The following COL5A2 variants were observed in gnomAD, a reference collection of about 807,000 sequenced individuals.
COL5A2 encodes collagen alpha-2(V) chain.
A neutral mutation model predicts 208.2 loss-of-function variants in COL5A2; 23 were observed. The observed-to-expected ratio is 0.11, with a 90% CI of 0.08 to 0.16. The LOEUF is 0.16. Among genes scored for constraint, COL5A2 ranks in the 10% least tolerant of loss-of-function variants. The probability of loss-of-function intolerance (pLI) is 1.00; values close to 1 mark genes in which losing one functional copy is unlikely to be tolerated. For synonymous variants in COL5A2, 625 were observed against 628.5 expected (o/e 0.99, Z 0.08); for missense variants, 1,590 against 1,956.4 (o/e 0.81, Z 3.53).
At chr2:189,046,513 G>A (rs1685671079) in intron 45 of COL5A2, among the ~76,000 whole-genome samples, 1 of 152,118 alleles carries the variant, frequency 6.6e-6, no homozygotes, top group Non-Finnish European at 1.5e-5. Context: ...GTTTACTTGA[G>A]TATAAAGCTA....
the COL5A2 span, among the ~76,000 whole-genome samples, chr2:189,337,188 T>TC: frequency 7.6e-6 from 1 of 131,230 alleles, no homozygotes. Context: ...TTTTTTTTTC[T>TC]TTTTTTTTTT....
intron 13 of COL5A2, 42 bp from the exon 14 acceptor site, chr2:189,080,073 T>G (rs1686497829): frequency 6.5e-7 from 1 of 1,531,208 alleles, no homozygotes; most frequent in South Asian, 1.1e-5. Context: ...TCCTGTTTTT[T>G]TCAATCCTCA....
the COL5A2 span, among the ~76,000 whole-genome samples, chr2:189,289,248 A>AG: frequency 0.039 from 5,875 of 152,090 alleles, 124 homozygotes; most frequent in Admixed American, 0.052. Context: ...AGGCTGAGGC[A>AG]GAGAATCGCC....
At chr2:189,135,094 T>C (rs1687802034) in intron 1 of COL5A2, among the ~76,000 whole-genome samples, 2 of 152,190 alleles carry the variant, frequency 1.3e-5, no homozygotes, top group Non-Finnish European at 2.9e-5. Context: ...CTTTTCTTCT[T>C]GTTATCTTTC....
At chr2:189,413,424 G>A in the COL5A2 span, among the ~76,000 whole-genome samples, 1 of 151,854 alleles carries the variant, frequency 6.6e-6, no homozygotes, top group African/African-American at 2.4e-5. Flanking sequence ...AAATCTCCAG[G>A]GAAAAAAAAT....
At chr2:189,258,203 T>C in the COL5A2 span, among the ~76,000 whole-genome samples, 1 of 152,222 alleles carries the variant, frequency 6.6e-6, no homozygotes, top group African/African-American at 2.4e-5. Flanking sequence ...AAATCAGTTC[T>C]GTTGGGTTAA....
rs12886 is a variant in COL5A2, at chr2:189,032,670, T to C, written c.*1400A>G. 0.016 allele frequency: 2,365 copies of C among 152,350 alleles called. 25 individuals are homozygous for C. Among genetic ancestry groups the C allele is most frequent in the Non-Finnish European group, 0.02 (1,365 of 67,946 alleles). The allele number at this position is 152,350 out of a possible 1,614,324, so 9.4% of individuals were successfully genotyped here. On this transcript the variant is annotated 3_prime_UTR_variant, in exon 54 of 54. Transcript: ENST00000374866. ...AATGCAATTAAGAAAAAAAAAGTAT[T>C]GAGACACAAGGGGACCTACATGTTC...
the COL5A2 span, among the ~76,000 whole-genome samples, chr2:189,386,299 T>C: frequency 2.0e-3 from 310 of 152,260 alleles, 2 homozygotes; most frequent in African/African-American, 6.4e-3. Flanking sequence ...ACTGGACCCC[T>C]GCCTATCACC....
At chr2:189,357,594 C>A in the COL5A2 span, among the ~76,000 whole-genome samples, 1 of 152,004 alleles carries the variant, frequency 6.6e-6, no homozygotes, top group Non-Finnish European at 1.5e-5. Flanking sequence ...CCAGGTCAAC[C>A]ACAGACTGCT....
chr2:189,278,619 A>G, the COL5A2 span, among the ~76,000 whole-genome samples: 3 of 152,084 alleles, frequency 2.0e-5, no homozygotes, highest in African/African-American at 7.2e-5. Flanking sequence ...CCGAGCTTTC[A>G]ACCTGAATTC....
the COL5A2 span, among the ~76,000 whole-genome samples, chr2:189,269,811 G>A: frequency 6.6e-6 from 1 of 152,234 alleles, no homozygotes; most frequent in African/African-American, 2.4e-5. Flanking sequence ...CAGAAGGAAT[G>A]GTACCAGCTC....
chr2:189,382,388 T>C, the COL5A2 span, among the ~76,000 whole-genome samples: 1 of 152,066 alleles, frequency 6.6e-6, no homozygotes, highest in Non-Finnish European at 1.5e-5. Context: ...AATTAATTTT[T>C]AAAATAAAGA....
chr2:189,101,153 T>C (rs965660530), intron 3 of COL5A2, among the ~76,000 whole-genome samples: 73 of 152,078 alleles, frequency 4.8e-4, no homozygotes, highest in South Asian at 1.0e-3. Flanking sequence ...TAATGCTTTT[T>C]ACTGGGCAAT....
At chr2:189,187,105 G>C (rs992186100) in intron 1 of COL5A2, among the ~76,000 whole-genome samples, 1 of 152,112 alleles carries the variant, frequency 6.6e-6, no homozygotes, top group Non-Finnish European at 1.5e-5. Flanking sequence ...TAATATGAGA[G>C]CTTGGCTTGT....
intron 33 of COL5A2, 69 bp from the exon 34 acceptor site, chr2:189,057,496 G>A: frequency 2.5e-6 from 3 of 1,191,834 alleles, no homozygotes; most frequent in Non-Finnish European, 2.5e-6. Context: ...TTGCTTTTTA[G>A]TGGGTCAAAA....
chr2:189,292,200 A>G, the COL5A2 span, among the ~76,000 whole-genome samples: 1 of 152,240 alleles, frequency 6.6e-6, no homozygotes, highest in Non-Finnish European at 1.5e-5. Flanking sequence ...CATATATTGT[A>G]TGGAAGACCG....
chr2:189,054,268 T>G, intron 35 of COL5A2, 56 bp from the exon 36 acceptor site: 2 of 1,312,800 alleles, frequency 1.5e-6, no homozygotes, highest in East Asian at 4.6e-5. Flanking sequence ...GAAATCTTCA[T>G]GCTTAGCAAA....
chr2:189,431,375 G>A, the COL5A2 span, among the ~76,000 whole-genome samples: 6 of 152,054 alleles, frequency 3.9e-5, no homozygotes, highest in Non-Finnish European at 7.4e-5. Context: ...GCTTCAGGAG[G>A]TCAGTAATAA....
chr2:189,372,202 A>G, the COL5A2 span, among the ~76,000 whole-genome samples: 1 of 152,226 alleles, frequency 6.6e-6, no homozygotes, highest in Non-Finnish European at 1.5e-5. Context: ...AAATGGTATC[A>G]GAATTAAATT....
Sources: gnomAD v4.1 joint callset for allele counts (sites outside exome capture counted in the v4.1 genomes callset) on GRCh38, gnomAD v4.1.1 for gene constraint, MANE v1.5 for transcripts, NCBI Gene and HGNC (gene_info 2026-07-23, HGNC 2026-07-21) for gene names.